PTPRJ: variants seen among roughly 807,000 people sequenced by gnomAD.
PTPRJ encodes receptor-type tyrosine-protein phosphatase eta.
A neutral mutation model predicts 141.3 loss-of-function variants in PTPRJ; 129 were observed. The ratio of observed to expected loss-of-function variants is 0.91; its 90% CI spans 0.79 to 1.06. The LOEUF is 1.06. PTPRJ is among the 50% of genes least tolerant of loss of function. The pLI is 0.00. For synonymous variants in PTPRJ, 610 were observed against 640.5 expected (o/e 0.95, Z 0.72); for missense variants, 1,601 against 1,679.7 (o/e 0.95, Z 0.82).
At chr11:47,993,398 T>C (rs552861613) in intron 1 of PTPRJ, among the ~76,000 whole-genome samples, 1 of 152,234 alleles carries the variant, frequency 6.6e-6, no homozygotes, top group East Asian at 1.9e-4. Context: ...GTTTAAGTGA[T>C]CCTCCTGCCT....
At chr11:48,051,548 G>A (rs181932922) in intron 1 of PTPRJ, among the ~76,000 whole-genome samples, 2 of 152,152 alleles carry the variant, frequency 1.3e-5, no homozygotes, top group Non-Finnish European at 2.9e-5. Flanking sequence ...AGGTCACAGT[G>A]GGGTGGGTCT....
Position 48,121,250 on chromosome 11 carries a change from CATAA to C in PTPRJ, c.602_605del (p.Ile201LysfsTer19), listed in dbSNP as rs1290319286. 1 of 1,613,992 alleles carries C rather than the reference CATAA, an allele frequency of 6.2e-7. No individual in the cohort carries two copies. On this transcript the variant is annotated frameshift_variant, in exon 4 of 25. Transcript: ENST00000418331. LOFTEE classifies it high-confidence loss of function. ...ATGAGACTTGGGGAGATCCCAGAGT[CATAA>C]AAGTCATCACAGGTAAGATGACTGG...
At chr11:48,164,546 C>T in intron 24 of PTPRJ, 31 bp downstream of exon 24, 1 of 1,476,462 alleles carries the variant, frequency 6.8e-7, no homozygotes, top group Non-Finnish European at 9.1e-7. Context: ...TGACATTCCA[C>T]CCTTCCCCTC....
rs992784348 is a variant in PTPRJ at position 48,135,932 on chromosome 11, TAGAA to T, written c.1616-104_1616-101del. The stretch of plus-strand genomic sequence containing the variant: ...TGGAGTGTGCCTTTTGTGAACTCAT[TAGAA>T]AGCGTAATGGCAAAAGAGCAGGTCC... On this transcript the variant is annotated intron_variant, in intron 8 of 24. Coordinates refer to ENST00000418331, the MANE Select transcript of PTPRJ (RefSeq NM_002843.4). 18 of 1,329,102 alleles carry T rather than the reference TAGAA, an allele frequency of 1.4e-5. No individual in the cohort carries two copies. In the South Asian group the frequency reaches 1.8e-4, roughly 13 times the overall value. The allele number at this position is 1,329,102 out of a possible 1,614,324, so 82.3% of individuals were successfully genotyped here.
At chr11:48,105,109 C>T (rs575309440) in intron 1 of PTPRJ, among the ~76,000 whole-genome samples, 70 of 152,212 alleles carry the variant, frequency 4.6e-4, no homozygotes, top group Admixed American at 1.6e-3. Context: ...ATTAGATTCT[C>T]ACACAGGGTC....
At chr11:48,101,243 G>A (rs1194236524) in intron 1 of PTPRJ, among the ~76,000 whole-genome samples, 1 of 152,230 alleles carries the variant, frequency 6.6e-6, no homozygotes, top group African/African-American at 2.4e-5. Context: ...GGGACATCCT[G>A]CTAATAGGTG....
intron 1 of PTPRJ, among the ~76,000 whole-genome samples, chr11:48,051,042 T>G (rs2134247016): frequency 6.7e-6 from 1 of 148,964 alleles, no homozygotes; most frequent in East Asian, 2.0e-4. Context: ...CAGTCAGGAC[T>G]AATATAGTAC....
At chr11:48,087,168 T>G (rs1467821075) in intron 1 of PTPRJ, among the ~76,000 whole-genome samples, 1 of 152,170 alleles carries the variant, frequency 6.6e-6, no homozygotes, top group Non-Finnish European at 1.5e-5. Context: ...TGTCCTAAGA[T>G]TAGTATGGTT....
chr11:48,070,079 T>C (rs1206005317), intron 1 of PTPRJ, among the ~76,000 whole-genome samples: 10 of 152,220 alleles, frequency 6.6e-5, no homozygotes. Context: ...CCTCAGCCAG[T>C]TGGTCCTTTT....
chr11:48,156,997 A>G (rs1857626079), intron 21 of PTPRJ, among the ~76,000 whole-genome samples: 1 of 142,890 alleles, frequency 7.0e-6, no homozygotes, highest in Admixed American at 7.0e-5. Context: ...CAAAGATAAG[A>G]TTTTTTTTTT....
At chr11:48,066,786 A>G (rs1325360335) in intron 1 of PTPRJ, among the ~76,000 whole-genome samples, 4 of 152,006 alleles carry the variant, frequency 2.6e-5, no homozygotes, top group African/African-American at 9.7e-5. Context: ...GTGTTTCACC[A>G]TGTTGGCCAG....
chr11:47,995,176 G>GAACATATA lies in PTPRJ; in HGVS notation c.96+14170_96+14177dup, dbSNP rs2134183788. 2.0e-5 allele frequency among the ~76,000 whole-genome samples: 3 copies of GAACATATA among 152,228 alleles called. No individual in the cohort carries two copies. In the South Asian group the frequency reaches 6.2e-4, roughly 32 times the overall value. On this transcript the variant is annotated intron_variant, in intron 1 of 24. Coordinates refer to ENST00000418331, the MANE Select transcript of PTPRJ (RefSeq NM_002843.4). ...TTCAGTTGACTTTGTGATCAGCTCT[G>GAACATATA]AACATATAATCTGGTGATTGCCTTA...
intron 1 of PTPRJ, among the ~76,000 whole-genome samples, chr11:48,058,630 C>A (rs192761470): frequency 6.6e-6 from 1 of 152,286 alleles, no homozygotes; most frequent in African/African-American, 2.4e-5. Flanking sequence ...CCCCAGCCAC[C>A]GCTCTGGTCC....
At chr11:48,120,498 T>C (rs2134338279) in intron 3 of PTPRJ, among the ~76,000 whole-genome samples, 1 of 152,304 alleles carries the variant, frequency 6.6e-6, no homozygotes, top group East Asian at 1.9e-4. Context: ...CGATCTTGGC[T>C]CACTGCAACC....
chr11:48,018,024 A>G (rs1010981037), intron 1 of PTPRJ, among the ~76,000 whole-genome samples: 3 of 152,212 alleles, frequency 2.0e-5, no homozygotes, highest in Admixed American at 2.0e-4. Flanking sequence ...GCATGTGTGA[A>G]TGGATTCATT....
In PTPRJ at chr11:48,167,288, A is replaced by G. The variant is rs2134392513; in HGVS notation, c.3940A>G (p.Thr1314Ala). ...AAAAGTAGATCTTATCTACCAGAACACAACTGCAATGACAATCTATGAAAA... is the reference window on the plus strand; with the variant it reads ...AAAAGTAGATCTTATCTACCAGAACGCAACTGCAATGACAATCTATGAAAA... The part of the protein sequence containing the change: ...DSKVDLIYQN[T>A]TAMTIYENLA... The change falls in exon 25 of 25, where the codon ACA becomes GCA. Residue 1314 changes from threonine to alanine, a missense_variant. Transcript: ENST00000418331. The G allele has an allele frequency of 1.2e-6, 2 of 1,613,750 alleles. No individual in the cohort carries two copies. Among genetic ancestry groups the G allele is most frequent in the Middle Eastern group, 1.7e-4 (1 of 6,060 alleles).
chr11:48,149,352 T>G, intron 15 of PTPRJ, 95 bp from the exon 16 acceptor site: 1 of 857,084 alleles, frequency 1.2e-6, no homozygotes, highest in Non-Finnish European at 1.9e-6. Flanking sequence ...GTGTAACACC[T>G]TTATTTCATA....
chr11:48,025,189 T>C (rs996128398), intron 1 of PTPRJ, among the ~76,000 whole-genome samples: 1 of 152,140 alleles, frequency 6.6e-6, no homozygotes, highest in African/African-American at 2.4e-5. Context: ...CAGAGGCCTT[T>C]CGGGCAGCCT....
chr11:48,038,673 G>A (rs530517834), intron 1 of PTPRJ, among the ~76,000 whole-genome samples: 6 of 151,672 alleles, frequency 4.0e-5, no homozygotes, highest in African/African-American at 1.2e-4. Context: ...TGTATTTTTA[G>A]TAGAGACGGG....
Sources: allele counts gnomAD v4.1 joint callset (sites outside exome capture counted in the v4.1 genomes callset), GRCh38; gene constraint gnomAD v4.1.1; transcripts MANE v1.5; gene names NCBI Gene and HGNC (gene_info 2026-07-23, HGNC 2026-07-21).